The following CLEC4E variants were observed in gnomAD, a reference collection of about 807,000 sequenced individuals.
CLEC4E encodes the protein C-type lectin domain family 4 member E.
A neutral mutation model predicts 24.7 loss-of-function variants in CLEC4E; 21 were observed. That is an observed-to-expected ratio of 0.85 (90% CI 0.60 to 1.22). The LOEUF (loss-of-function observed/expected upper bound fraction) is 1.22, where lower values mean the gene tolerates loss of function less well. Ranked by LOEUF, CLEC4E falls within the 50% of genes most tolerant of loss-of-function variation. CLEC4E has a pLI of 0.00. For synonymous variants in CLEC4E, 94 were observed against 85.7 expected (o/e 1.10, Z -0.54); for missense variants, 249 against 254.1 (o/e 0.98, Z 0.14).
intron 3 of CLEC4E, 138 bp downstream of exon 3, chr12:8,539,079 C>T: frequency 1.6e-6 from 1 of 609,704 alleles, no homozygotes; most frequent in Middle Eastern, 3.2e-4. Flanking sequence ...AATTGCATCA[C>T]CAAATTTCTA....
Position 8,534,634 on chromosome 12 carries a change from G to A in CLEC4E, c.*4C>T. 2.5e-6 allele frequency: 4 copies of A among 1,610,948 alleles called. No individual in the cohort carries two copies. The South Asian group carries it at 4.4e-5, about 18-fold the overall frequency. On this transcript the variant is annotated 3_prime_UTR_variant, in exon 6 of 6. Coordinates refer to ENST00000299663, the MANE Select transcript of CLEC4E (RefSeq NM_014358.4). The stretch of plus-strand genomic sequence containing the variant: ...TTTACACATTTGAGTTGTGCCTTCT[G>A]TTCTTAAAGAGATTTTCCTTTGTTC...
At chr12:8,538,900 T>G (rs1940655638) in intron 3 of CLEC4E, 1 of 389,480 alleles carries the variant, frequency 2.6e-6, no homozygotes, top group Non-Finnish European at 4.5e-6. Flanking sequence ...TTATAAATTC[T>G]CTACTCCATA....
chr12:8,536,343 G>A (rs1032270147), intron 4 of CLEC4E, 138 bp from the exon 5 acceptor site: 1 of 486,180 alleles, frequency 2.1e-6, no homozygotes, highest in African/African-American at 2.0e-5. Context: ...ATCACCTGAG[G>A]TCAGGAGTTC....
intron 3 of CLEC4E, among the ~76,000 whole-genome samples, chr12:8,537,619 C>G (rs1236694417): frequency 2.6e-5 from 4 of 152,158 alleles, no homozygotes; most frequent in Non-Finnish European, 5.9e-5. Flanking sequence ...AAAGAGCCAT[C>G]TCTTATGTTA....
rs367672099 is a variant in CLEC4E, at chr12:8,539,345, C to T, written c.131-39G>A. 5.5e-5 allele frequency: 74 copies of T among 1,356,742 alleles called. 1 individual carries two copies. In the Middle Eastern group the frequency reaches 1.8e-3, roughly 34 times the overall value. 84.0% of individuals were successfully genotyped at this position (1,356,742 alleles called of 1,614,324 possible). ...GGCATAATGTTTGTTAGTCTTATTT[C>T]GGTTAAAAATGTCAGTTCCCTCAGT... On this transcript the variant is annotated intron_variant, in intron 2 of 5. Coordinates refer to ENST00000299663, the MANE Select transcript of CLEC4E (RefSeq NM_014358.4).
At chr12:8,539,424 C>T (rs746356890) in intron 2 of CLEC4E, 118 bp from the exon 3 acceptor site, 1 of 693,558 alleles carries the variant, frequency 1.4e-6, no homozygotes, top group Admixed American at 2.6e-5. Flanking sequence ...TTACAATCTG[C>T]TTTTTCTTAC....
chr12:8,536,207 T>G lies in CLEC4E; in HGVS notation c.373-2A>C. Reference sequence around the variant, plus strand: ...AGGTTTCTTGTAGGAAAGGAATTCCTATGGAAGATACAAAATAAAAGGAGA... The same window carrying G: ...AGGTTTCTTGTAGGAAAGGAATTCCGATGGAAGATACAAAATAAAAGGAGA... On this transcript the variant is annotated splice_acceptor_variant, in intron 4 of 5. Coordinates refer to ENST00000299663, the MANE Select transcript of CLEC4E (RefSeq NM_014358.4). LOFTEE classifies it high-confidence loss of function. 1.1e-5 allele frequency: 16 copies of G among 1,455,802 alleles called. No individual in the cohort carries two copies. The highest frequency in any genetic ancestry group is 1.5e-5 in the Non-Finnish European group (16 of 1,036,688). The allele number at this position is 1,455,802 out of a possible 1,614,324, so 90.2% of individuals were successfully genotyped here. A position where few individuals can be genotyped will look rare whatever the true frequency, so the allele number is the denominator to read the frequency against.
rs891380917 is a variant in CLEC4E at position 8,534,576 on chromosome 12, C to T, written c.*62G>A. 10 of 1,279,044 alleles carry T rather than the reference C, an allele frequency of 7.8e-6. No individual in the cohort carries two copies. Among genetic ancestry groups the T allele is most frequent in the Admixed American group, 2.0e-5 (1 of 49,056 alleles). The allele number at this position is 1,279,044 out of a possible 1,614,324, so 79.2% of individuals were successfully genotyped here. A position where few individuals can be genotyped will look rare whatever the true frequency, so the allele number is the denominator to read the frequency against. Reference sequence around the variant, plus strand: ...CAGCGCACAAATTTCTCGTGTGGGGCGGTGGGTGTGGCCATGTTCTTGCTC... The same window carrying T: ...CAGCGCACAAATTTCTCGTGTGGGGTGGTGGGTGTGGCCATGTTCTTGCTC... On this transcript the variant is annotated 3_prime_UTR_variant, in exon 6 of 6. Coordinates refer to ENST00000299663, the MANE Select transcript of CLEC4E (RefSeq NM_014358.4).
chr12:8,537,363 G>A, intron 3 of CLEC4E, 97 bp from the exon 4 acceptor site: 1 of 1,123,522 alleles, frequency 8.9e-7, no homozygotes, highest in South Asian at 1.6e-5. Flanking sequence ...TAAGTCAGAA[G>A]CCTTGGAATC....
intron 4 of CLEC4E, among the ~76,000 whole-genome samples, chr12:8,536,474 C>T (rs1170043588): frequency 6.6e-6 from 1 of 152,110 alleles, no homozygotes; most frequent in Non-Finnish European, 1.5e-5. Flanking sequence ...AGGAGAATCG[C>T]TTGAACCTGG....
At position 8,540,807 on chromosome 12, in the gene CLEC4E, C is replaced by G. The variant is rs1453543751; in HGVS notation, c.-10G>C. On this transcript the variant is annotated 5_prime_UTR_variant, in exon 1 of 6. Transcript: ENST00000299663. ...ATTTAGATGAATTCATTTTTTCTCT[C>G]TCTTTGGTTTTTTGTTTCTCTCTCT... 6 of 1,596,792 alleles carry G rather than the reference C, an allele frequency of 3.8e-6. No individual in the cohort carries two copies. Among genetic ancestry groups the G allele is most frequent in the Non-Finnish European group, 4.3e-6 (5 of 1,167,466 alleles).
At position 8,539,857 on chromosome 12, in the gene CLEC4E, A is replaced by G. The variant is rs748180276; in HGVS notation, c.128T>C (p.Val43Ala). Residue 43 changes from valine (V) to alanine (A), a missense_variant and splice_region_variant, in exon 2 of 6, where the codon GTT becomes GCT. Transcript: ENST00000299663. The part of the protein sequence containing the change: ...FLSACFITRC[V>A]VTFRIFQTCD... ...TGAATTTGACCTTCAGAACCCACCAACACATCTGGTGATGAAACAGGCACT... is the reference window on the plus strand; with the variant it reads ...TGAATTTGACCTTCAGAACCCACCAGCACATCTGGTGATGAAACAGGCACT... 1.3e-6 allele frequency: 2 copies of G among 1,592,734 alleles called. No individual in the cohort carries two copies. The highest frequency in any genetic ancestry group is 2.2e-5 in the South Asian group (2 of 90,636).
At chr12:8,540,028 T>C (rs1363632916) in intron 1 of CLEC4E, 81 bp from the exon 2 acceptor site, 1 of 901,710 alleles carries the variant, frequency 1.1e-6, no homozygotes. Flanking sequence ...TATTCATCCT[T>C]ACTTATTTCC....
chr12:8,539,059 C>T, intron 3 of CLEC4E, 158 bp downstream of exon 3: 1 of 567,324 alleles, frequency 1.8e-6, no homozygotes, highest in Non-Finnish European at 3.1e-6. Context: ...AGACTTTCTG[C>T]CCCAATGCTA....
At chr12:8,539,779 C>G (rs1940671832) in intron 2 of CLEC4E, 76 bp downstream of exon 2, 2 of 921,648 alleles carry the variant, frequency 2.2e-6, no homozygotes, top group Non-Finnish European at 3.6e-6. Flanking sequence ...CAAAGAGAGT[C>G]TACAGGCAGC....
intron 2 of CLEC4E, 78 bp from the exon 3 acceptor site, chr12:8,539,384 C>A (rs1490000174): frequency 1.2e-6 from 1 of 851,134 alleles, no homozygotes; most frequent in Non-Finnish European, 1.9e-6. Context: ...GTATTTATAA[C>A]AAAAGTGCCA....
intron 2 of CLEC4E, among the ~76,000 whole-genome samples, chr12:8,539,556 A>C (rs1468589774): frequency 6.6e-6 from 1 of 152,208 alleles, no homozygotes; most frequent in Non-Finnish European, 1.5e-5. Context: ...GCTCTAAGGC[A>C]GACTCTCCTA....
Position 8,534,536 on chromosome 12 carries a change from A to C in CLEC4E, c.*102T>G. The C allele has an allele frequency of 1.3e-6, 1 of 744,070 alleles. No individual in the cohort carries two copies. The highest frequency in any genetic ancestry group is 2.2e-6 in the Non-Finnish European group (1 of 451,170). 46.1% of individuals were successfully genotyped at this position (744,070 alleles called of 1,614,324 possible). A position where few individuals can be genotyped will look rare whatever the true frequency, so the allele number is the denominator to read the frequency against. The stretch of plus-strand genomic sequence containing the variant: ...TATATCAGAGTAACAAATACTTATG[A>C]AGTCCTTTGAAGTTCAGCGCACAAA... On this transcript the variant is annotated 3_prime_UTR_variant, in exon 6 of 6. Transcript: ENST00000299663.
rs1336742409 is a variant in CLEC4E, at chr12:8,534,489, T to C, written c.*149A>G. On this transcript the variant is annotated 3_prime_UTR_variant, in exon 6 of 6. Coordinates refer to ENST00000299663, the MANE Select transcript of CLEC4E (RefSeq NM_014358.4). ...TCAGCCAGTAACATGAATTATAACA[T>C]TTAAAACTACTTATTTTTATTTATA... 1.8e-6 allele frequency: 1 copy of C among 565,038 alleles called. No individual in the cohort carries two copies. Among genetic ancestry groups the C allele is most frequent in the Non-Finnish European group, 3.0e-6 (1 of 328,280 alleles). 35.0% of individuals were successfully genotyped at this position (565,038 alleles called of 1,614,324 possible).
Sources: gnomAD v4.1 joint callset for allele counts (sites outside exome capture counted in the v4.1 genomes callset) on GRCh38, gnomAD v4.1.1 for gene constraint, MANE v1.5 for transcripts, NCBI Gene and HGNC (gene_info 2026-07-23, HGNC 2026-07-21) for gene names.